TAOK3: variants seen among roughly 807,000 people sequenced by gnomAD.
TAOK3 encodes serine/threonine-protein kinase TAO3.
A neutral mutation model predicts 120.4 loss-of-function variants in TAOK3; 40 were observed. That is an observed-to-expected ratio of 0.33 (90% CI 0.26 to 0.43). The LOEUF (loss-of-function observed/expected upper bound fraction) is 0.43, where lower values mean the gene tolerates loss of function less well. TAOK3 is among the 20% of genes least tolerant of loss of function. The pLI is 1.00. For missense variants in TAOK3, 821 were observed against 1,112.1 expected (o/e 0.74, Z 3.72); for synonymous variants, 355 against 387.5 (o/e 0.92, Z 0.99).
intron 1 of TAOK3, among the ~76,000 whole-genome samples, chr12:118,339,275 C>CATT (rs1491283045): frequency 1.2e-5 from 1 of 86,912 alleles, no homozygotes. Context: ...CTTCATCATA[C>CATT]TTTTTTTTTT....
intron 1 of TAOK3, among the ~76,000 whole-genome samples, chr12:118,344,923 C>T (rs2044789694): frequency 6.6e-6 from 1 of 152,080 alleles, no homozygotes; most frequent in Non-Finnish European, 1.5e-5. Flanking sequence ...TTAACTTCCT[C>T]TTGTTAATAC....
intron 1 of TAOK3, among the ~76,000 whole-genome samples, chr12:118,272,874 C>A (rs1418994700): frequency 6.6e-6 from 1 of 151,682 alleles, no homozygotes; most frequent in Non-Finnish European, 1.5e-5. Context: ...CTACTTGGGG[C>A]TTGAGGTGGG....
At chr12:118,350,613 C>A (rs760663726) in intron 1 of TAOK3, among the ~76,000 whole-genome samples, 6 of 152,008 alleles carry the variant, frequency 3.9e-5, no homozygotes, top group African/African-American at 1.4e-4. Flanking sequence ...AATCCCAGCA[C>A]TTTGGGAGGC....
At chr12:118,209,695 G>A (rs76391232) in intron 11 of TAOK3, among the ~76,000 whole-genome samples, 402 of 149,612 alleles carry the variant, frequency 2.7e-3, no homozygotes, top group African/African-American at 9.4e-3. Context: ...CATTGCACCC[G>A]GCTCTTCTTC....
At chr12:118,229,127 T>A (rs1266364532) in intron 9 of TAOK3, among the ~76,000 whole-genome samples, 1 of 151,280 alleles carries the variant, frequency 6.6e-6, no homozygotes, top group African/African-American at 2.4e-5. Context: ...GGGGACAGAG[T>A]TTCGATCTTG....
chr12:118,326,753 T>C (rs1316340577), intron 1 of TAOK3, among the ~76,000 whole-genome samples: 2 of 152,218 alleles, frequency 1.3e-5, no homozygotes, highest in Non-Finnish European at 2.9e-5. Context: ...CCATATCAGT[T>C]GCTGGTAAAA....
rs2034327103 is a variant in TAOK3 at position 118,150,665 on chromosome 12, AC to A, written c.*331del. The A allele has an allele frequency of 4.9e-6, 1 of 202,254 alleles. No individual in the cohort carries two copies. Among genetic ancestry groups the A allele is most frequent in the Admixed American group, 5.5e-5 (1 of 18,278 alleles). 12.5% of individuals were successfully genotyped at this position (202,254 alleles called of 1,614,324 possible). ...TGATTGCTTAAAGCAATATACATCC[AC>A]TTTTTTTGTTGTTGGTTTATTGGTT... On this transcript the variant is annotated 3_prime_UTR_variant, in exon 21 of 21. Coordinates refer to ENST00000392533, the MANE Select transcript of TAOK3 (RefSeq NM_016281.4).
chr12:118,297,386 C>A (rs530425940), intron 1 of TAOK3, among the ~76,000 whole-genome samples: 1 of 152,272 alleles, frequency 6.6e-6, no homozygotes, highest in South Asian at 2.1e-4. Flanking sequence ...TCATTCTCTG[C>A]TACTTTTTGT....
At chr12:118,302,080 G>T (rs566973668) in intron 1 of TAOK3, among the ~76,000 whole-genome samples, 34 of 152,130 alleles carry the variant, frequency 2.2e-4, no homozygotes, top group South Asian at 1.2e-3. Flanking sequence ...ATCTGTTTTG[G>T]TTTTTTTGTC....
intron 1 of TAOK3, among the ~76,000 whole-genome samples, chr12:118,327,286 G>T (rs2043974108): frequency 6.6e-6 from 1 of 152,194 alleles, no homozygotes; most frequent in Non-Finnish European, 1.5e-5. Flanking sequence ...ATCCCAAGAT[G>T]TAGGCACTAT....
At chr12:118,297,318 G>A (rs1431036063) in intron 1 of TAOK3, among the ~76,000 whole-genome samples, 1 of 152,208 alleles carries the variant, frequency 6.6e-6, no homozygotes, top group Non-Finnish European at 1.5e-5. Flanking sequence ...AAATGTTACA[G>A]TGTTAAACTT....
intron 9 of TAOK3, among the ~76,000 whole-genome samples, chr12:118,219,743 A>T (rs387429): frequency 0.96 from 140,388 of 145,596 alleles, 67,710 homozygotes; most frequent in East Asian, 1. Context: ...TATAGGCATG[A>T]GCCATTAAGT....
At chr12:118,303,560 T>A (rs2042948513) in intron 1 of TAOK3, among the ~76,000 whole-genome samples, 3 of 152,242 alleles carry the variant, frequency 2.0e-5, no homozygotes. Context: ...AACTTCATAT[T>A]ATGTTCTAAG....
chr12:118,208,710 TTTTA>T (rs2038465636), intron 11 of TAOK3, among the ~76,000 whole-genome samples: 1 of 152,218 alleles, frequency 6.6e-6, no homozygotes, highest in South Asian at 2.1e-4. Context: ...TTTATTTTAT[TTTTA>T]TTTATTTATT....
chr12:118,338,786 C>CAAAAAA lies in TAOK3; in HGVS notation c.-194+33856_-194+33861dup, dbSNP rs71069438. Among the ~76,000 whole-genome samples the CAAAAAA allele has an allele frequency of 1.4e-4, 7 of 49,854 alleles. 1 individual carries two copies. Among genetic ancestry groups the CAAAAAA allele is most frequent in the African/African-American group, 2.0e-4 (3 of 15,008 alleles). The allele number at this position is 49,854 out of a possible 152,430, so 32.7% of individuals were successfully genotyped here. ...TGGTCGACAGAGTGAGACTCCGTCT[C>CAAAAAA]AAAAAAAAAAAAAAAAAAAAAAAAA... On this transcript the variant is annotated intron_variant, in intron 1 of 20. Transcript: ENST00000392533.
intron 1 of TAOK3, among the ~76,000 whole-genome samples, chr12:118,301,612 GAGGC>G (rs2042882247): frequency 6.6e-6 from 1 of 152,090 alleles, no homozygotes. Context: ...TTGGGAGGCC[GAGGC>G]AGGCGGATCA....
At chr12:118,284,400 G>A (rs767142013) in intron 1 of TAOK3, among the ~76,000 whole-genome samples, 3 of 152,044 alleles carry the variant, frequency 2.0e-5, no homozygotes, top group South Asian at 4.1e-4. Flanking sequence ...AGAGAAACAC[G>A]GTAGTAACAC....
chr12:118,286,457 C>A (rs2042268758), intron 1 of TAOK3, among the ~76,000 whole-genome samples: 1 of 151,008 alleles, frequency 6.6e-6, no homozygotes, highest in African/African-American at 2.4e-5. Flanking sequence ...AAATGGCCAA[C>A]AAACATATGA....
chr12:118,166,969 G>T (rs946947083), intron 17 of TAOK3, among the ~76,000 whole-genome samples: 3 of 152,078 alleles, frequency 2.0e-5, no homozygotes, highest in Admixed American at 1.3e-4. Context: ...TCTAATGGAA[G>T]TAGTATTGAC....
Sources: allele counts gnomAD v4.1 joint callset (sites outside exome capture counted in the v4.1 genomes callset), GRCh38; gene constraint gnomAD v4.1.1; transcripts MANE v1.5; gene names NCBI Gene and HGNC (gene_info 2026-07-23, HGNC 2026-07-21).